Variants in RBM10 observed in about 807,000 individuals in gnomAD.
RBM10 encodes RNA binding motif protein 10, also known as RNA-binding protein 10.
In RBM10, 1 loss-of-function variant was observed where a neutral mutation model predicts 84.9. The ratio of observed to expected loss-of-function variants is 0.01; its 90% CI spans 0.00 to 0.06. RBM10 has a LOEUF of 0.06. RBM10 is among the 10% of genes least tolerant of loss of function. The pLI is 1.00. For synonymous variants in RBM10, 326 were observed against 344.5 expected, an observed-to-expected ratio of 0.95 and a Z score of 0.60; for missense variants, 438 against 839.0, an observed-to-expected ratio of 0.52 and a Z score of 5.90.
chrX:47,170,630 G>A (rs1220260180), intron 3 of RBM10, among the ~76,000 whole-genome samples: 2 of 112,412 alleles, frequency 1.8e-5, no homozygotes, highest in Admixed American at 9.4e-5. Context: ...TGCAGCCTTC[G>A]GTGGTACAGT....
chrX:47,182,406 C>G (rs916202971), intron 17 of RBM10, 80 bp downstream of exon 17: 14 of 1,144,285 alleles, frequency 1.2e-5, no homozygotes, highest in East Asian at 3.3e-5. Context: ...CTTGCCCTCT[C>G]CTGCCAAGGG....
chrX:47,173,084 C>T (rs978873915), intron 4 of RBM10, 44 bp from the exon 5 acceptor site: 56 of 1,210,021 alleles, frequency 4.6e-5, no homozygotes, highest in Non-Finnish European at 5.4e-5. Flanking sequence ...TACCCAGCGG[C>T]CCCATTGTGC....
chrX:47,167,922 C>T (rs1556769833), intron 2 of RBM10, among the ~76,000 whole-genome samples: 4 of 111,910 alleles, frequency 3.6e-5, no homozygotes, highest in African/African-American at 6.5e-5. Flanking sequence ...TTACCTTCTC[C>T]TTTCCAGCTT....
chrX:47,154,885 C>T (rs1370508751), intron 2 of RBM10, among the ~76,000 whole-genome samples: 2 of 109,425 alleles, frequency 1.8e-5, no homozygotes, highest in Admixed American at 9.8e-5. Context: ...TGGTGGCTCA[C>T]GCCTGTAATC....
Position 47,179,369 on chromosome X carries a change from C to T in RBM10, c.775C>T (p.Pro259Ser), listed in dbSNP as rs2147167931. 8.3e-7 allele frequency: 1 copy of T among 1,201,263 alleles called. No individual in the cohort carries two copies. The highest frequency in any genetic ancestry group is 1.1e-6 in the Non-Finnish European group (1 of 891,736). The change falls in exon 9 of 24, where the codon CCA becomes TCA. Residue 259 changes from proline to serine, a missense_variant. Physicochemically the swap from Pro to Ser is moderately conservative, Grantham distance 74. Coordinates refer to ENST00000377604, the MANE Select transcript of RBM10 (RefSeq NM_005676.5). Reference sequence around the variant, plus strand: ...CACGAGGCTGGATCAGCAGACACTGCCACTGGGTGGCCGGGAGCTGAGCCA... The same window carrying T: ...CACGAGGCTGGATCAGCAGACACTGTCACTGGGTGGCCGGGAGCTGAGCCA... ...LGTRLDQQTLPLGGRELSQGL... is the reference protein window; with the variant it reads ...LGTRLDQQTLSLGGRELSQGL...
At chrX:47,153,463 C>T (rs1932877682) in intron 2 of RBM10, among the ~76,000 whole-genome samples, 2 of 110,595 alleles carry the variant, frequency 1.8e-5, no homozygotes, top group South Asian at 7.5e-4. Context: ...ATATTGAAAG[C>T]ATGTTTTAAA....
chrX:47,149,073 A>G (rs1216782972), intron 2 of RBM10, among the ~76,000 whole-genome samples: 1 of 107,100 alleles, frequency 9.3e-6, no homozygotes, highest in Non-Finnish European at 1.9e-5. Context: ...TAGAAAATGA[A>G]AATATGAAGT....
intron 2 of RBM10, among the ~76,000 whole-genome samples, chrX:47,168,165 G>A (rs961690077): frequency 2.7e-5 from 3 of 111,616 alleles, no homozygotes; most frequent in Admixed American, 9.6e-5. Flanking sequence ...ATTGTTGAGC[G>A]CCTACTGAGT....
In RBM10 at chrX:47,169,967, C is replaced by T. The variant is rs782808668; in HGVS notation, c.201+469C>T. ...AGCCCCTAGACAGAAGGGAAGGACC[C>T]TTCTGGAGAAGCCAGTGCCATGTTG... On this transcript the variant is annotated intron_variant, in intron 3 of 23. Coordinates refer to ENST00000377604, the MANE Select transcript of RBM10 (RefSeq NM_005676.5). Among the ~76,000 whole-genome samples the T allele has an allele frequency of 2.7e-5, 3 of 112,819 alleles. No individual in the cohort carries two copies. In the East Asian group the frequency reaches 8.5e-4, roughly 32 times the overall value.
intron 15 of RBM10, 35 bp from the exon 16 acceptor site, chrX:47,181,916 G>A (rs1446202511): frequency 1.7e-6 from 2 of 1,208,944 alleles, no homozygotes; most frequent in Middle Eastern, 2.3e-4. Flanking sequence ...TAATAAAGCA[G>A]GGAATAGTGT....
At chrX:47,168,692 G>A (rs1406481809) in intron 2 of RBM10, among the ~76,000 whole-genome samples, 2 of 111,776 alleles carry the variant, frequency 1.8e-5, no homozygotes, top group African/African-American at 6.5e-5. Flanking sequence ...GTGCAAGACA[G>A]GGAGGAGGAG....
At chrX:47,176,664 G>T in intron 7 of RBM10, 78 bp downstream of exon 7, 1 of 1,176,918 alleles carries the variant, frequency 8.5e-7, no homozygotes, top group South Asian at 1.9e-5. Flanking sequence ...TTCCTCTCCC[G>T]CTCTTTCTCC....
chrX:47,172,495 C>G (rs1373601402), intron 4 of RBM10, among the ~76,000 whole-genome samples: 2 of 112,204 alleles, frequency 1.8e-5, no homozygotes, highest in African/African-American at 6.5e-5. Flanking sequence ...TCACCTGGGC[C>G]AAATCCTGAA....
At position 47,173,139 on chromosome X, in the gene RBM10, G is replaced by A. The variant is rs2147142351; in HGVS notation, c.444G>A (p.Gln148=). The A allele has an allele frequency of 8.2e-7, 1 of 1,212,406 alleles. No homozygotes were observed. The highest frequency in any genetic ancestry group is 1.1e-6 in the Non-Finnish European group (1 of 895,675). The change falls in exon 5 of 24, where the codon CAG becomes CAA. Residue 148 remains glutamine (Q), a synonymous_variant. Transcript: ENST00000377604. ...QAATEDDIRG[Q]LQSHGVQARE... The stretch of plus-strand genomic sequence containing the variant: ...ATCTCCCCGTATAGATCCGTGGCCA[G>A]CTGCAGTCGCACGGCGTGCAAGCAC...
chrX:47,184,871 G>A (rs1015108535), intron 17 of RBM10, among the ~76,000 whole-genome samples, 184 bp from the exon 18 acceptor site: 9 of 111,065 alleles, frequency 8.1e-5, no homozygotes, highest in Non-Finnish European at 1.7e-4. Context: ...ATGAAAGAGC[G>A]CTCTGCTGGG....
chrX:47,180,202 C>T lies in RBM10; in HGVS notation c.1063-10C>T. The T allele has an allele frequency of 8.4e-6, 10 of 1,191,702 alleles. No homozygotes were observed. The highest frequency in any genetic ancestry group is 1.1e-5 in the Non-Finnish European group (10 of 882,011). ...TGACCCTTCTGTCCCTGCCTCCCCT[C>T]CTCCCACAGGAGGCAGCCCAGCTGC... is the stretch of plus-strand genomic sequence containing the variant. On this transcript the variant is annotated splice_polypyrimidine_tract_variant and intron_variant, in intron 10 of 23. Coordinates refer to ENST00000377604, the MANE Select transcript of RBM10 (RefSeq NM_005676.5).
intron 11 of RBM10, 46 bp from the exon 12 acceptor site, chrX:47,180,373 G>T (rs1556778538): frequency 2.5e-6 from 1 of 402,768 alleles, no homozygotes; most frequent in Non-Finnish European, 3.3e-6. Flanking sequence ...CCCCCCTACC[G>T]CTTGGGGCCT....
At chrX:47,165,191 T>C (rs974759358) in intron 2 of RBM10, among the ~76,000 whole-genome samples, 2 of 111,824 alleles carry the variant, frequency 1.8e-5, no homozygotes, top group Admixed American at 1.9e-4. Flanking sequence ...CATAACATTG[T>C]CAGTATACTT....
intron 2 of RBM10, among the ~76,000 whole-genome samples, chrX:47,160,387 G>T (rs1474537542): frequency 9.0e-6 from 1 of 111,608 alleles, no homozygotes; most frequent in Admixed American, 9.6e-5. Flanking sequence ...AATCTACAAG[G>T]AAGTTAAATC....
Sources: allele counts gnomAD v4.1 joint callset (sites outside exome capture counted in the v4.1 genomes callset), GRCh38; gene constraint gnomAD v4.1.1; transcripts MANE v1.5; gene names NCBI Gene and HGNC (gene_info 2026-07-23, HGNC 2026-07-21).